Variants in ZNF675 observed in about 807,000 individuals in gnomAD.
ZNF675 encodes TRAF6 inhibitory zinc finger.
Under a neutral mutation model 56.1 loss-of-function variants are expected in ZNF675, and 36 were observed. The observed-to-expected ratio is 0.64, with a 90% CI of 0.49 to 0.85. The LOEUF (loss-of-function observed/expected upper bound fraction) is 0.85. ZNF675 is among the 40% of genes least tolerant of loss of function. The pLI is 0.00. For synonymous variants in ZNF675, 200 were observed against 218.9 expected (o/e 0.91, Z 0.76); for missense variants, 663 against 654.2 (o/e 1.01, Z -0.15).
chr19:23,684,636 C>T (rs1031208069), intron 1 of ZNF675, among the ~76,000 whole-genome samples: 2 of 151,754 alleles, frequency 1.3e-5, no homozygotes, highest in African/African-American at 2.4e-5. Flanking sequence ...AAGAGTGAAA[C>T]CCCATCTCAA....
At chr19:23,656,412 C>A (rs1967983516) in intron 3 of ZNF675, 1 of 152,128 alleles carries the variant, frequency 6.6e-6, no homozygotes, top group African/African-American at 2.4e-5. Flanking sequence ...GCCTGGCCAA[C>A]ATGGTGAAAC....
In ZNF675 at chr19:23,654,193, T is replaced by C. The variant is rs1568287380; in HGVS notation, c.740A>G (p.Lys247Arg). 3.1e-6 allele frequency: 5 copies of C among 1,614,094 alleles called. No individual in the cohort carries two copies. Among genetic ancestry groups the C allele is most frequent in the Non-Finnish European group, 4.2e-6 (5 of 1,179,994 alleles). ...TGGTTTCTCTCGAGCATAATCTTTT[T>C]TATATTCAGTAAGGTTTGAGAATTG... ...FNQFSNLTEY[K>R]KDYAREKPYK... is the part of the protein sequence containing the mutation. Residue 247 changes from lysine to arginine, a missense_variant, in exon 4 of 4, where the codon AAA (lysine) becomes AGA (arginine). Lys to Arg is a conservative substitution (Grantham distance 26). Transcript: ENST00000359788.
rs372654354 is a variant in ZNF675, at chr19:23,654,482, T to C, written c.451A>G (p.Lys151Glu). 3 of 1,602,488 alleles carry C rather than the reference T, an allele frequency of 1.9e-6. No homozygotes were observed. Among genetic ancestry groups the C allele is most frequent in the Non-Finnish European group, 2.6e-6 (3 of 1,175,450 alleles). The change falls in exon 4 of 4, where the codon AAA (lysine) becomes GAA (glutamate). Residue 151 changes from lysine (K) to glutamate (E), a missense_variant. Transcript: ENST00000359788. ...GAATGTGAAAATTTATTAAAGACTTTCACATATTTATCACATTGAAACATT... is the reference window on the plus strand; with the variant it reads ...GAATGTGAAAATTTATTAAAGACTTCCACATATTTATCACATTGAAACATT... Reference protein sequence around the residue: ...SKMFQCDKYVKVFNKFSHSDR... With the variant: ...SKMFQCDKYVEVFNKFSHSDR...
chr19:23,678,125 G>A (rs1221859631), intron 1 of ZNF675, among the ~76,000 whole-genome samples: 1 of 151,352 alleles, frequency 6.6e-6, no homozygotes, highest in East Asian at 1.9e-4. Context: ...GTCTTGGGGG[G>A]AAAAAAAGTC....
At chr19:23,669,674 C>G (rs914419837) in intron 1 of ZNF675, among the ~76,000 whole-genome samples, 1 of 151,978 alleles carries the variant, frequency 6.6e-6, no homozygotes, top group Non-Finnish European at 1.5e-5. Context: ...GAGTTCGAGA[C>G]CTGCCTGACC....
Position 23,653,969 on chromosome 19 carries a change from TA to T in ZNF675, c.963del (p.Phe321LeufsTer208). On this transcript the variant is annotated frameshift_variant, in exon 4 of 4. Transcript: ENST00000359788. LOFTEE classifies it high-confidence loss of function. ...TGTGTAGTAAGGGTTGAGGATTGGGTAAAAGCCTTGCCACATTCTTCACATA... is the reference window on the plus strand; with the variant it reads ...TGTGTAGTAAGGGTTGAGGATTGGGTAAAGCCTTGCCACATTCTTCACATA... ...PYICEECGKA[F>X]TQSSTLTTHK... The T allele has an allele frequency of 6.2e-7, 1 of 1,613,934 alleles. No individual in the cohort carries two copies. The highest frequency in any genetic ancestry group is 8.5e-7 in the Non-Finnish European group (1 of 1,179,928).
chr19:23,670,409 A>C (rs1968213556), intron 1 of ZNF675, among the ~76,000 whole-genome samples: 1 of 152,018 alleles, frequency 6.6e-6, no homozygotes, highest in African/African-American at 2.4e-5. Context: ...CCTATATCAA[A>C]ACCTAACAAT....
intron 1 of ZNF675, among the ~76,000 whole-genome samples, chr19:23,677,009 G>A (rs1171292208): frequency 6.0e-5 from 9 of 150,342 alleles, no homozygotes; most frequent in East Asian, 2.0e-4. Flanking sequence ...CCCGGGAGGT[G>A]GAGCTTGCAG....
chr19:23,685,068 C>T (rs1968426189), intron 1 of ZNF675, among the ~76,000 whole-genome samples: 2 of 151,836 alleles, frequency 1.3e-5, no homozygotes, highest in Admixed American at 1.3e-4. Context: ...TCCAATGGTG[C>T]GATCTCGGCT....
intron 3 of ZNF675, chr19:23,655,441 C>T (rs926738787): frequency 1.3e-5 from 2 of 151,458 alleles, no homozygotes; most frequent in African/African-American, 4.9e-5. Flanking sequence ...GGACACATCA[C>T]ATGGTAAGAT....
At chr19:23,670,148 A>C (rs11879067) in intron 1 of ZNF675, among the ~76,000 whole-genome samples, 1,841 of 152,196 alleles carry the variant, frequency 0.012, 42 homozygotes, top group African/African-American at 0.039. Context: ...CACTGTGGGG[A>C]ACTCTATTTC....
At chr19:23,673,391 T>C (rs1046441622) in intron 1 of ZNF675, among the ~76,000 whole-genome samples, 6 of 152,264 alleles carry the variant, frequency 3.9e-5, no homozygotes, top group Admixed American at 2.6e-4. Context: ...ACAAGAGTAA[T>C]TGAAAGAGGT....
At chr19:23,660,294 TCTC>T (rs1240341542) in intron 3 of ZNF675, among the ~76,000 whole-genome samples, 1 of 152,128 alleles carries the variant, frequency 6.6e-6, no homozygotes, top group African/African-American at 2.4e-5. Flanking sequence ...TGAGGTGTTT[TCTC>T]CTTCTGTACA....
At chr19:23,667,447 G>A (rs4932891) in intron 1 of ZNF675, among the ~76,000 whole-genome samples, 147,905 of 152,244 alleles carry the variant, frequency 0.97, 72,007 homozygotes, top group Middle Eastern at 1. Context: ...TGGTAGAGCC[G>A]AGTGGTCTGC....
chr19:23,654,178 C>A lies in ZNF675; in HGVS notation c.755G>T (p.Arg252Leu). 2 of 1,613,994 alleles carry A rather than the reference C, an allele frequency of 1.2e-6. No homozygotes were observed. Among genetic ancestry groups the A allele is most frequent in the South Asian group, 1.1e-5 (1 of 91,076 alleles). The change falls in exon 4 of 4, where the codon CGA becomes CTA. Residue 252 changes from arginine to leucine, a missense_variant. This residue lies in a region of ZNF675 where 617 missense variants were observed against 590.5 expected (regional missense o/e 1.04). Transcript: ENST00000359788. ...TTCTTCACATTTGTATGGTTTCTCT[C>A]GAGCATAATCTTTTTTATATTCAGT... ...NLTEYKKDYA[R>L]EKPYKCEECG...
At chr19:23,667,577 A>G (rs1462538902) in intron 1 of ZNF675, among the ~76,000 whole-genome samples, 2 of 152,162 alleles carry the variant, frequency 1.3e-5, no homozygotes, top group South Asian at 4.1e-4. Context: ...AGGCCCCACC[A>G]GAGTAGCTAG....
intron 1 of ZNF675, among the ~76,000 whole-genome samples, chr19:23,669,866 A>G (rs1968206865): frequency 6.6e-6 from 1 of 150,536 alleles, no homozygotes; most frequent in Non-Finnish European, 1.5e-5. Flanking sequence ...AAAAAATTAA[A>G]AAAAAAAAAC....
chr19:23,679,912 T>A lies in ZNF675; in HGVS notation c.3+7119A>T, dbSNP rs189396614. ...GGCTGAGGCAGAAGAATCACTTGAA[T>A]CAGGGAGGCAGAGGTTGTGGTGAGC... is the stretch of plus-strand genomic sequence containing the variant. On this transcript the variant is annotated intron_variant, in intron 1 of 3. Transcript: ENST00000359788. Among the ~76,000 whole-genome samples, 325 of 150,450 alleles carry A rather than the reference T, an allele frequency of 2.2e-3. 1 individual carries two copies. Among genetic ancestry groups the A allele is most frequent in the Non-Finnish European group, 3.8e-3 (259 of 67,788 alleles).
chr19:23,661,291 G>A (rs949353330), intron 3 of ZNF675, among the ~76,000 whole-genome samples: 4 of 151,896 alleles, frequency 2.6e-5, no homozygotes, highest in African/African-American at 4.8e-5. Context: ...GATTACAGGC[G>A]TGAGCCACCG....
Sources: allele counts gnomAD v4.1 joint callset (sites outside exome capture counted in the v4.1 genomes callset), GRCh38; gene constraint gnomAD v4.1.1; regional missense constraint gnomAD v4.1.1; transcripts MANE v1.5; gene names NCBI Gene and HGNC (gene_info 2026-07-23, HGNC 2026-07-21).